The following PI4K2B variants were observed in gnomAD, a reference collection of about 807,000 sequenced individuals.
PI4K2B encodes phosphatidylinositol 4-kinase type 2 beta, also known as phosphatidylinositol 4-kinase type 2-beta.
Under a neutral mutation model 56.6 loss-of-function variants are expected in PI4K2B, and 46 were observed. The observed-to-expected ratio is 0.81, with a 90% CI of 0.64 to 1.04. PI4K2B has a LOEUF of 1.04. Among genes scored for constraint, PI4K2B ranks in the 50% least tolerant of loss-of-function variants. The pLI is 0.00. For missense variants in PI4K2B, 556 were observed against 607.7 expected (o/e 0.91, Z 0.89); for synonymous variants, 211 against 223.8 (o/e 0.94, Z 0.51).
In PI4K2B at chr4:25,277,108, GT is replaced by G. The variant is rs1463811053; in HGVS notation, c.1368del (p.Gln457ArgfsTer7). Reference sequence around the variant, plus strand: ...ATTGTGGAACGCAGTCAAGGTGGAAGTCAGGGTCGGATTGTCCACCTGAGCA... The same window carrying G: ...ATTGTGGAACGCAGTCAAGGTGGAAGCAGGGTCGGATTGTCCACCTGAGCA... ...CVIVERSQGG[S>X]QGRIVHLSNS... On this transcript the variant is annotated frameshift_variant, in exon 10 of 10. Transcript: ENST00000264864. LOFTEE classifies it high-confidence loss of function. 2.5e-6 allele frequency: 4 copies of G among 1,614,054 alleles called. No individual in the cohort carries two copies. The highest frequency in any genetic ancestry group is 3.4e-6 in the Non-Finnish European group (4 of 1,179,936).
chr4:25,242,838 A>C (rs1715584371), intron 1 of PI4K2B, among the ~76,000 whole-genome samples: 1 of 152,216 alleles, frequency 6.6e-6, no homozygotes, highest in Non-Finnish European at 1.5e-5. Flanking sequence ...CCCAGACTTC[A>C]GGGTTGATTC....
intron 9 of PI4K2B, chr4:25,276,532 TTG>T: frequency 4.2e-6 from 2 of 475,802 alleles, no homozygotes; most frequent in Non-Finnish European, 5.5e-6. Flanking sequence ...GCAAGTTTGC[TTG>T]TTTTTTTAAC....
At position 25,250,089 on chromosome 4, in the gene PI4K2B, C is replaced by T. The variant is rs368045283; in HGVS notation, c.269-2232C>T. On this transcript the variant is annotated intron_variant, in intron 1 of 9. Transcript: ENST00000264864. ...CGAAAACCAGTCAGGCGTGGCAGCGCGCGCCTGCAATCCCAGGCACTTGGC... is the reference window on the plus strand; with the variant it reads ...CGAAAACCAGTCAGGCGTGGCAGCGTGCGCCTGCAATCCCAGGCACTTGGC... Among the ~76,000 whole-genome samples, 297 of 152,230 alleles carry T rather than the reference C, an allele frequency of 2.0e-3. 1 individual carries two copies. Among genetic ancestry groups the T allele is most frequent in the African/African-American group, 5.6e-3 (231 of 41,546 alleles).
chr4:25,271,611 A>G (rs75761855), intron 9 of PI4K2B, among the ~76,000 whole-genome samples: 23 of 152,306 alleles, frequency 1.5e-4, no homozygotes, highest in African/African-American at 5.5e-4. Flanking sequence ...TTGCCATCCC[A>G]AAACTTATTT....
chr4:25,239,388 C>T (rs947694013), intron 1 of PI4K2B, among the ~76,000 whole-genome samples: 11 of 152,194 alleles, frequency 7.2e-5, no homozygotes, highest in East Asian at 1.9e-4. Context: ...CCCTGCCCTA[C>T]GGGGAGGCAG....
At chr4:25,273,370 G>A (rs1276409358) in intron 9 of PI4K2B, among the ~76,000 whole-genome samples, 1 of 152,044 alleles carries the variant, frequency 6.6e-6, no homozygotes, top group East Asian at 1.9e-4. Context: ...AAAACATAAT[G>A]AACTTACCTT....
At chr4:25,249,117 GC>G (rs1715921474) in intron 1 of PI4K2B, among the ~76,000 whole-genome samples, 1 of 152,100 alleles carries the variant, frequency 6.6e-6, no homozygotes, top group Admixed American at 6.5e-5. Context: ...TTCAGAGAGC[GC>G]CGGGTTGGGG....
At chr4:25,237,976 G>C (rs1189436592) in intron 1 of PI4K2B, among the ~76,000 whole-genome samples, 1 of 152,212 alleles carries the variant, frequency 6.6e-6, no homozygotes, top group Non-Finnish European at 1.5e-5. Flanking sequence ...TCCTGTTAGA[G>C]AGCCTAACAG....
At chr4:25,244,199 C>A (rs1263089138) in intron 1 of PI4K2B, among the ~76,000 whole-genome samples, 1 of 152,186 alleles carries the variant, frequency 6.6e-6, no homozygotes, top group Non-Finnish European at 1.5e-5. Flanking sequence ...AATTCCCCTC[C>A]CCCTACAGCT....
intron 1 of PI4K2B, among the ~76,000 whole-genome samples, chr4:25,245,777 A>G (rs536112375): frequency 6.6e-6 from 1 of 152,230 alleles, no homozygotes; most frequent in South Asian, 2.1e-4. Flanking sequence ...GCGATAGGCG[A>G]TGGTCTCACT....
chr4:25,261,828 C>T (rs1330008255), intron 6 of PI4K2B, among the ~76,000 whole-genome samples: 3 of 152,070 alleles, frequency 2.0e-5, no homozygotes, highest in Non-Finnish European at 2.9e-5. Flanking sequence ...GAAACTTTGG[C>T]GTGGAAGTTT....
At chr4:25,234,509 C>A (rs1715158380) in intron 1 of PI4K2B, 78 bp downstream of exon 1, 2 of 1,051,148 alleles carry the variant, frequency 1.9e-6, no homozygotes, top group Non-Finnish European at 2.4e-6. Flanking sequence ...CTGTCTCCCG[C>A]GCGCGCTGGC....
At position 25,259,132 on chromosome 4, in the gene PI4K2B, A is replaced by C. The variant is rs115610773; in HGVS notation, c.852A>C (p.Lys284Asn). The change falls in exon 5 of 10, where the codon AAA (lysine) becomes AAC (asparagine). Residue 284 changes from lysine to asparagine, a missense_variant. Transcript: ENST00000264864. Reference protein sequence around the residue: ...EADPLPENIRKQFQSQFERLV... With the variant: ...EADPLPENIRNQFQSQFERLV... Reference sequence around the variant, plus strand: ...ACCCTTTGCCTGAGAATATTAGAAAACAATTTCAGTCACAATTTGAAAGAT... The same window carrying C: ...ACCCTTTGCCTGAGAATATTAGAAACCAATTTCAGTCACAATTTGAAAGAT... The C allele has an allele frequency of 3.8e-6, 6 of 1,583,444 alleles. No individual in the cohort carries two copies. The highest frequency in any genetic ancestry group is 5.2e-6 in the Non-Finnish European group (6 of 1,153,256).
intron 1 of PI4K2B, among the ~76,000 whole-genome samples, chr4:25,237,617 C>T (rs1024007419): frequency 2.0e-5 from 3 of 152,190 alleles, no homozygotes; most frequent in Non-Finnish European, 4.4e-5. Flanking sequence ...CCTCCCGCCT[C>T]GGCTTCCCAG....
At chr4:25,246,887 C>T (rs976332939) in intron 1 of PI4K2B, among the ~76,000 whole-genome samples, 20 of 152,318 alleles carry the variant, frequency 1.3e-4, no homozygotes, top group African/African-American at 7.2e-5. Flanking sequence ...TGGGGCCTGG[C>T]GGGGCAGGCC....
At chr4:25,259,702 A>T (rs985381274) in intron 5 of PI4K2B, among the ~76,000 whole-genome samples, 1 of 147,006 alleles carries the variant, frequency 6.8e-6, no homozygotes, top group African/African-American at 2.5e-5. Context: ...TGATGAGCTT[A>T]AAAAAAAAAA....
intron 1 of PI4K2B, among the ~76,000 whole-genome samples, chr4:25,239,034 T>C (rs1226453581): frequency 6.6e-6 from 1 of 152,118 alleles, no homozygotes; most frequent in East Asian, 1.9e-4. Context: ...AAGTCCCCAC[T>C]AGATTAGCTA....
chr4:25,263,989 G>T, intron 7 of PI4K2B, 140 bp downstream of exon 7: 1 of 495,044 alleles, frequency 2.0e-6, no homozygotes. Context: ...TAGGCATTAG[G>T]GATGCAAATG....
intron 1 of PI4K2B, among the ~76,000 whole-genome samples, chr4:25,245,426 C>T (rs924414998): frequency 3.3e-5 from 5 of 152,188 alleles, no homozygotes; most frequent in Non-Finnish European, 4.4e-5. Context: ...TGGAGAGTTC[C>T]GCTCATGGCC....
Sources: allele counts gnomAD v4.1 joint callset (sites outside exome capture counted in the v4.1 genomes callset), GRCh38; gene constraint gnomAD v4.1.1; transcripts MANE v1.5; gene names NCBI Gene and HGNC (gene_info 2026-07-23, HGNC 2026-07-21).